FHOD3: variants seen among roughly 807,000 people sequenced by gnomAD.
FHOD3 encodes FH1/FH2 domain-containing protein 3.
FHOD3 carries 90 observed loss-of-function variants against 173.0 expected under a neutral mutation model. The ratio of observed to expected loss-of-function variants is 0.52; its 90% CI spans 0.44 to 0.62. The LOEUF is 0.62. FHOD3 is among the 20% of genes least tolerant of loss of function. FHOD3 has a pLI of 0.00. For missense variants in FHOD3, 1,945 were observed against 2,034.7 expected, an observed-to-expected ratio of 0.96 and a Z score of 0.85; for synonymous variants, 828 against 823.0, an observed-to-expected ratio of 1.01 and a Z score of -0.10.
intron 3 of FHOD3, among the ~76,000 whole-genome samples, chr18:36,489,340 C>A (rs1391599635): frequency 6.6e-6 from 1 of 152,138 alleles, no homozygotes; most frequent in Non-Finnish European, 1.5e-5. Flanking sequence ...TGTGCCATGG[C>A]CATCTCAGGA....
intron 2 of FHOD3, among the ~76,000 whole-genome samples, chr18:36,361,167 A>C (rs2046593236): frequency 6.6e-6 from 1 of 151,970 alleles, no homozygotes; most frequent in Admixed American, 6.5e-5. Flanking sequence ...CTGTCTTCAT[A>C]GTGCTATGCA....
At chr18:36,706,616 A>G (rs1331176241) in intron 17 of FHOD3, among the ~76,000 whole-genome samples, 1 of 152,226 alleles carries the variant, frequency 6.6e-6, no homozygotes, top group Non-Finnish European at 1.5e-5. Context: ...GGAATGGAAC[A>G]TGGCAGTGCA....
At chr18:36,660,050 C>T (rs1003943746) in intron 14 of FHOD3, among the ~76,000 whole-genome samples, 6 of 152,170 alleles carry the variant, frequency 3.9e-5, no homozygotes, top group African/African-American at 1.4e-4. Flanking sequence ...GTGGGCAGAT[C>T]ACGAGGTCAG....
At chr18:36,628,912 T>A (rs1289027121) in intron 10 of FHOD3, among the ~76,000 whole-genome samples, 1 of 152,220 alleles carries the variant, frequency 6.6e-6, no homozygotes, top group East Asian at 1.9e-4. Flanking sequence ...TGTGTGTCAG[T>A]CCTTCTGATA....
At chr18:36,363,503 G>A (rs1332633289) in intron 2 of FHOD3, among the ~76,000 whole-genome samples, 4 of 152,134 alleles carry the variant, frequency 2.6e-5, no homozygotes, top group African/African-American at 9.7e-5. Flanking sequence ...AAAGACATGG[G>A]GGAACCTTAA....
At chr18:36,319,703 C>T (rs374708589) in intron 1 of FHOD3, among the ~76,000 whole-genome samples, 133 of 152,274 alleles carry the variant, frequency 8.7e-4, no homozygotes, top group African/African-American at 3.0e-3. Flanking sequence ...AGCACCACAT[C>T]GCACTTATTC....
At chr18:36,760,854 G>A (rs539205971) in intron 27 of FHOD3, 72 bp downstream of exon 27, 16 of 1,454,110 alleles carry the variant, frequency 1.1e-5, no homozygotes, top group African/African-American at 2.8e-5. Flanking sequence ...GGTCTCCATC[G>A]CAGGCTGCGG....
At chr18:36,671,960 C>T (rs1221555519) in intron 14 of FHOD3, among the ~76,000 whole-genome samples, 1 of 152,164 alleles carries the variant, frequency 6.6e-6, no homozygotes, top group Non-Finnish European at 1.5e-5. Flanking sequence ...AGAGCAGTGT[C>T]CACTGTGGTC....
rs530242496 is a variant in FHOD3 at position 36,663,113 on chromosome 18, C to A, written c.1835+4925C>A. On this transcript the variant is annotated intron_variant, in intron 14 of 28. Coordinates refer to ENST00000590592, the MANE Select transcript of FHOD3 (RefSeq NM_001281740.3). ...CTATTTTCATGATTTTGTGTTCCTACTGAAGAAAGCCTTTTTTCTCCTGGT... is the reference window on the plus strand; with the variant it reads ...CTATTTTCATGATTTTGTGTTCCTAATGAAGAAAGCCTTTTTTCTCCTGGT... Among the ~76,000 whole-genome samples the A allele has an allele frequency of 1.7e-3, 260 of 152,290 alleles. 6 individuals carry two copies. Among genetic ancestry groups the A allele is most frequent in the Non-Finnish European group, 2.1e-3 (142 of 68,018 alleles).
At chr18:36,410,542 G>A (rs2049302982) in intron 3 of FHOD3, among the ~76,000 whole-genome samples, 1 of 150,270 alleles carries the variant, frequency 6.7e-6, no homozygotes. Flanking sequence ...TTAGTAACTC[G>A]ACATTTAGCG....
intron 3 of FHOD3, among the ~76,000 whole-genome samples, chr18:36,378,167 G>C (rs897590707): frequency 7.9e-5 from 12 of 152,244 alleles, no homozygotes; most frequent in African/African-American, 2.9e-4. Flanking sequence ...TGTTGCAAAG[G>C]CTCCTGAGTG....
intron 17 of FHOD3, among the ~76,000 whole-genome samples, chr18:36,705,805 A>G (rs1245628199): frequency 1.3e-5 from 2 of 152,168 alleles, no homozygotes; most frequent in African/African-American, 2.4e-5. Flanking sequence ...GTTGTTGCCA[A>G]AGGTCATAGC....
rs1027275314 is a variant in FHOD3 at position 36,780,008 on chromosome 18, A to T, written c.*478A>T. On this transcript the variant is annotated 3_prime_UTR_variant, in exon 29 of 29. Coordinates refer to ENST00000590592, the MANE Select transcript of FHOD3 (RefSeq NM_001281740.3). The stretch of plus-strand genomic sequence containing the variant: ...ATGTAACAAATGTTTATACAAATAC[A>T]TACATGTACACCATGTTTCAAATAC... 1 of 561,792 alleles carries T rather than the reference A, an allele frequency of 1.8e-6. No individual in the cohort carries two copies. Among genetic ancestry groups the T allele is most frequent in the Admixed American group, 4.2e-5 (1 of 23,890 alleles). 34.8% of individuals were successfully genotyped at this position (561,792 alleles called of 1,614,324 possible). A position where few individuals can be genotyped will look rare whatever the true frequency, so the allele number is the denominator to read the frequency against.
chr18:36,442,238 G>T (rs927361547), intron 3 of FHOD3, among the ~76,000 whole-genome samples: 1 of 152,054 alleles, frequency 6.6e-6, no homozygotes, highest in Non-Finnish European at 1.5e-5. Flanking sequence ...TAAGTATGTG[G>T]CATTCTTTGA....
chr18:36,470,483 G>A (rs557558897), intron 3 of FHOD3, among the ~76,000 whole-genome samples: 2 of 152,176 alleles, frequency 1.3e-5, no homozygotes, highest in Non-Finnish European at 2.9e-5. Flanking sequence ...ACTGGGGGAG[G>A]GAGTGGAATA....
intron 10 of FHOD3, among the ~76,000 whole-genome samples, chr18:36,626,686 C>A (rs1278830709): frequency 6.6e-6 from 1 of 152,202 alleles, no homozygotes; most frequent in African/African-American, 2.4e-5. Context: ...TTGGCTGGAT[C>A]ATCCTCCCTC....
intron 14 of FHOD3, among the ~76,000 whole-genome samples, chr18:36,667,077 T>G (rs2037229154): frequency 6.6e-6 from 1 of 152,244 alleles, no homozygotes; most frequent in African/African-American, 2.4e-5. Context: ...TATTCCTTCA[T>G]GTTGTTGTGT....
intron 5 of FHOD3, among the ~76,000 whole-genome samples, chr18:36,513,838 G>T (rs895385101): frequency 2.0e-5 from 3 of 151,902 alleles, no homozygotes; most frequent in Non-Finnish European, 4.4e-5. Context: ...CGGCAAATGT[G>T]TGTGAGAGTT....
chr18:36,387,568 A>G (rs925576057), intron 3 of FHOD3, among the ~76,000 whole-genome samples: 11 of 152,214 alleles, frequency 7.2e-5, no homozygotes, highest in Non-Finnish European at 1.6e-4. Context: ...AGTGCTGTAA[A>G]GGAAATAGAC....
Sources: allele counts gnomAD v4.1 joint callset (sites outside exome capture counted in the v4.1 genomes callset), GRCh38; gene constraint gnomAD v4.1.1; transcripts MANE v1.5; gene names NCBI Gene and HGNC (gene_info 2026-07-23, HGNC 2026-07-21).